The following MTUS1 variants were observed in gnomAD, a reference collection of about 807,000 sequenced individuals.
The protein encoded by MTUS1 is microtubule-associated tumor suppressor 1.
In MTUS1, 109 loss-of-function variants were observed where a neutral mutation model predicts 120.8. The ratio of observed to expected loss-of-function variants is 0.90; its 90% CI spans 0.77 to 1.06. The LOEUF is 1.06. MTUS1 is among the 50% of genes least tolerant of loss of function. MTUS1 has a pLI of 0.00. For synonymous variants in MTUS1, 737 were observed against 550.5 expected (o/e 1.34, Z -4.74); for missense variants, 2,210 against 1,486.3 (o/e 1.49, Z -8.01).
rs2050467470 is a variant in MTUS1, at chr8:17,776,693, A to AT, written c.-154-20733_-154-20732insA. On this transcript the variant is annotated intron_variant, in intron 1 of 14. Transcript: ENST00000693296. ...GACTCTGTCTCAAAAAAAAAAAAAAAAAAAAAAAAAAAAATCTCAGATACA... is the reference window on the plus strand; with the variant it reads ...GACTCTGTCTCAAAAAAAAAAAAAAATAAAAAAAAAAAAAATCTCAGATACA... Among the ~76,000 whole-genome samples the AT allele has an allele frequency of 3.3e-5, 5 of 151,384 alleles. No individual in the cohort carries two copies. The South Asian group carries it at 1.0e-3, about 32-fold the overall frequency.
chr8:17,721,068 C>G (rs1384940171), intron 4 of MTUS1, among the ~76,000 whole-genome samples: 1 of 152,160 alleles, frequency 6.6e-6, no homozygotes. Context: ...TGTGTTATAT[C>G]AGAAGTTCTT....
At position 17,715,775 on chromosome 8, in the gene MTUS1, G is replaced by A. The variant is rs1822202867; in HGVS notation, c.2576C>T (p.Pro859Leu). ...CACAATGAGGACTGTACCTTTTGGAGGAGTTTTCATCAAGTGAACATGAGC... is the reference window on the plus strand; with the variant it reads ...CACAATGAGGACTGTACCTTTTGGAAGAGTTTTCATCAAGTGAACATGAGC... ...SRAHVHLMKT[P>L]PKGPSRKNLF... Residue 859 changes from proline to leucine, a missense_variant, in exon 5 of 15, where the codon CCT becomes CTT. Pro to Leu is a moderately conservative substitution (Grantham distance 98). Coordinates refer to ENST00000693296, the MANE Select transcript of MTUS1 (RefSeq NM_001363059.2). 3 of 1,612,056 alleles carry A rather than the reference G, an allele frequency of 1.9e-6. No individual in the cohort carries two copies. Among genetic ancestry groups the A allele is most frequent in the African/African-American group, 2.7e-5 (2 of 74,706 alleles).
At chr8:17,680,122 T>A (rs1394762236) in intron 7 of MTUS1, among the ~76,000 whole-genome samples, 20 of 151,856 alleles carry the variant, frequency 1.3e-4, no homozygotes, top group Admixed American at 1.3e-3. Flanking sequence ...GCTCCTGGAA[T>A]CCAGACGGGA....
At chr8:17,647,338 T>C in intron 13 of MTUS1, 1 of 351,978 alleles carries the variant, frequency 2.8e-6, no homozygotes, top group South Asian at 5.0e-5. Context: ...TTCCAGGTCA[T>C]GTTGTTTTGG....
chr8:17,680,196 G>T (rs1437451782), intron 7 of MTUS1, among the ~76,000 whole-genome samples: 1 of 152,126 alleles, frequency 6.6e-6, no homozygotes, highest in Non-Finnish European at 1.5e-5. Flanking sequence ...GGGAGTGGTG[G>T]ATCATGCCTG....
chr8:17,788,161 T>C (rs1305398168), intron 1 of MTUS1, among the ~76,000 whole-genome samples: 1 of 152,170 alleles, frequency 6.6e-6, no homozygotes, highest in Non-Finnish European at 1.5e-5. Context: ...ACACATTCTG[T>C]ATCTTGATTG....
intron 6 of MTUS1, among the ~76,000 whole-genome samples, chr8:17,685,224 T>C (rs1191757375): frequency 6.6e-6 from 1 of 152,172 alleles, no homozygotes; most frequent in African/African-American, 2.4e-5. Context: ...ACAGTTTTTT[T>C]TTAAAGCACA....
At chr8:17,694,742 A>G (rs1170890256) in intron 6 of MTUS1, among the ~76,000 whole-genome samples, 2 of 152,152 alleles carry the variant, frequency 1.3e-5, no homozygotes, top group Non-Finnish European at 2.9e-5. Context: ...ATGAAAAGAA[A>G]CAGATAATTC....
rs2048370640 is a variant in MTUS1 at position 17,753,802 on chromosome 8, T to C, written c.2006A>G (p.Glu669Gly). ...TTCCATAGATGTCCCATTTTCTTTT[T>C]CACCCTTCTTTTCAGGGCTAATCCT... The part of the protein sequence containing the change: ...IDRISPEKKG[E>G]KENGTSMEKQ... Residue 669 changes from glutamate (E) to glycine (G), a missense_variant, in exon 2 of 15, where the codon GAA becomes GGA. Coordinates refer to ENST00000693296, the MANE Select transcript of MTUS1 (RefSeq NM_001363059.2). The C allele has an allele frequency of 6.2e-7, 1 of 1,614,018 alleles. No homozygotes were observed. Among genetic ancestry groups the C allele is most frequent in the East Asian group, 2.2e-5 (1 of 44,884 alleles).
intron 1 of MTUS1, among the ~76,000 whole-genome samples, chr8:17,788,864 T>C (rs1257433433): frequency 6.6e-6 from 1 of 152,202 alleles, no homozygotes; most frequent in South Asian, 2.1e-4. Flanking sequence ...ACAGTAAGTT[T>C]CAGGATAGTA....
upstream of MTUS1, among the ~76,000 whole-genome samples, chr8:17,801,117 C>G (rs984722135): frequency 1.3e-5 from 2 of 151,804 alleles, no homozygotes; most frequent in African/African-American, 4.8e-5. Context: ...AGGGCTGGCG[C>G]CCTTTGCACC....
In MTUS1 at chr8:17,687,227, C is replaced by T. The variant is rs57441418; in HGVS notation, c.2624-2685G>A. Among the ~76,000 whole-genome samples, 247 of 152,290 alleles carry T rather than the reference C, an allele frequency of 1.6e-3. 2 individuals are homozygous for T. Among genetic ancestry groups the T allele is most frequent in the African/African-American group, 3.8e-3 (156 of 41,560 alleles). ...GCTGTGCAGTCACCATCTTCCGCTC[C>T]ATATACTGTGCTCCCTAAGGATGAA... On this transcript the variant is annotated intron_variant, in intron 6 of 14. Transcript: ENST00000693296.
chr8:17,649,316 C>T (rs1806490167), intron 13 of MTUS1, among the ~76,000 whole-genome samples: 1 of 152,190 alleles, frequency 6.6e-6, no homozygotes, highest in Non-Finnish European at 1.5e-5. Flanking sequence ...CTCAACCTCC[C>T]TAAACTGCTG....
chr8:17,792,976 A>G (rs1054478400), intron 1 of MTUS1, among the ~76,000 whole-genome samples: 5 of 152,264 alleles, frequency 3.3e-5, no homozygotes, highest in African/African-American at 1.2e-4. Flanking sequence ...AAAGTTTTAC[A>G]TAAATGCAAA....
intron 13 of MTUS1, among the ~76,000 whole-genome samples, chr8:17,648,113 G>T (rs1806224407): frequency 6.6e-6 from 1 of 152,188 alleles, no homozygotes; most frequent in African/African-American, 2.4e-5. Flanking sequence ...TCTCATCCTA[G>T]GGAAACTAGT....
rs1822216513 is a variant in MTUS1, at chr8:17,715,846, C to T, written c.2505G>A (p.Gln835=). 2 of 1,613,882 alleles carry T rather than the reference C, an allele frequency of 1.2e-6. No individual in the cohort carries two copies. The highest frequency in any genetic ancestry group is 1.1e-5 in the South Asian group (1 of 91,068). Residue 835 remains glutamine (Q), a synonymous_variant, in exon 5 of 15, where the codon CAG becomes CAA. Transcript: ENST00000693296. ...AATAAAAGGATCCTGAGGAACCATT[C>T]TGAAATGCTGGTTTTGGAGGTTTCT... ...YEEKPPKPAF[Q]NGSSGSFYLK...
At chr8:17,717,759 C>T (rs562607449) in intron 4 of MTUS1, among the ~76,000 whole-genome samples, 1 of 152,176 alleles carries the variant, frequency 6.6e-6, no homozygotes, top group South Asian at 2.1e-4. Context: ...CTGTCACATG[C>T]AAAATAGGAG....
intron 1 of MTUS1, among the ~76,000 whole-genome samples, chr8:17,767,528 C>G (rs1042566321): frequency 8.3e-6 from 1 of 120,484 alleles, no homozygotes; most frequent in African/African-American, 2.7e-5. Context: ...AAAACCCCAT[C>G]TCTTTAAAAA....
intron 1 of MTUS1, among the ~76,000 whole-genome samples, chr8:17,761,919 A>G (rs2049065174): frequency 6.6e-6 from 1 of 152,148 alleles, no homozygotes; most frequent in Admixed American, 6.5e-5. Context: ...CTGATCTTCA[A>G]CCTCCCTTGA....
Sources: gnomAD v4.1 joint callset for allele counts (sites outside exome capture counted in the v4.1 genomes callset) on GRCh38, gnomAD v4.1.1 for gene constraint, MANE v1.5 for transcripts, NCBI Gene and HGNC (gene_info 2026-07-23, HGNC 2026-07-21) for gene names.